LSAMP: variants seen among roughly 807,000 people sequenced by gnomAD.
LSAMP encodes limbic system associated membrane protein.
In LSAMP, 7 loss-of-function variants were observed where a neutral mutation model predicts 38.6. The ratio of observed to expected loss-of-function variants is 0.18; its 90% CI spans 0.10 to 0.34. The LOEUF (loss-of-function observed/expected upper bound fraction) is 0.34, where lower values mean the gene tolerates loss of function less well. Among genes scored for constraint, LSAMP ranks in the 10% least tolerant of loss-of-function variants. The pLI is 1.00. For synonymous variants in LSAMP, 154 were observed against 166.8 expected (o/e 0.92, Z 0.59); for missense variants, 313 against 420.0 (o/e 0.75, Z 2.23).
At chr3:115,870,484 T>C (rs1936001966) in intron 3 of LSAMP, among the ~76,000 whole-genome samples, 1 of 152,164 alleles carries the variant, frequency 6.6e-6, no homozygotes, top group African/African-American at 2.4e-5. Flanking sequence ...TTTCTAGGGC[T>C]GTGGCTCCCA....
At chr3:116,109,995 A>G (rs1708564138) in intron 1 of LSAMP, among the ~76,000 whole-genome samples, 1 of 148,126 alleles carries the variant, frequency 6.8e-6, no homozygotes, top group Non-Finnish European at 1.5e-5. Context: ...GCACAGAGAT[A>G]AGAGGTAGGG....
At position 115,842,000 on chromosome 3, in the gene LSAMP, G is replaced by A. The variant is rs758751204; in HGVS notation, c.771-7C>T. 2 of 1,604,926 alleles carry A rather than the reference G, an allele frequency of 1.2e-6. No homozygotes were observed. The highest frequency in any genetic ancestry group is 8.5e-7 in the Non-Finnish European group (1 of 1,177,406). ...GCCATTGGCACTATTTATCCTAAGA[G>A]TTCAAAAACAGAAGAATAGAAAGGA... On this transcript the variant is annotated splice_region_variant and splice_polypyrimidine_tract_variant and intron_variant, in intron 5 of 6. Transcript: ENST00000490035.
intron 6 of LSAMP, among the ~76,000 whole-genome samples, chr3:115,811,055 A>G (rs1933812353): frequency 6.6e-6 from 1 of 152,214 alleles, no homozygotes; most frequent in African/African-American, 2.4e-5. Context: ...TGTCACTTTA[A>G]AAATCAAAAA....
intron 2 of LSAMP, among the ~76,000 whole-genome samples, chr3:116,022,387 T>C (rs1176467380): frequency 6.6e-6 from 1 of 152,188 alleles, no homozygotes; most frequent in Non-Finnish European, 1.5e-5. Flanking sequence ...CACATCGTCA[T>C]TTCCCATCCA....
At chr3:116,033,408 AT>A (rs775815004) in intron 2 of LSAMP, among the ~76,000 whole-genome samples, 4 of 152,102 alleles carry the variant, frequency 2.6e-5, no homozygotes, top group Non-Finnish European at 5.9e-5. Flanking sequence ...TGGGCATGTT[AT>A]GGAGAAAATG....
At chr3:116,136,772 G>A (rs1920375) in intron 1 of LSAMP, among the ~76,000 whole-genome samples, 37,921 of 151,786 alleles carry the variant, frequency 0.25, 4,758 homozygotes, top group Admixed American at 0.27. Flanking sequence ...GAAGATCAGA[G>A]TATAATATAT....
chr3:116,180,600 G>A (rs1396687475), intron 1 of LSAMP, among the ~76,000 whole-genome samples: 2 of 152,092 alleles, frequency 1.3e-5, no homozygotes, highest in African/African-American at 2.4e-5. Context: ...GGTTGAGGAA[G>A]TAGAGGAATA....
At chr3:115,948,045 C>T (rs181017003) in intron 3 of LSAMP, among the ~76,000 whole-genome samples, 32 of 152,324 alleles carry the variant, frequency 2.1e-4, no homozygotes, top group Admixed American at 1.8e-3. Context: ...ATTACCCTAG[C>T]ATGAGAGTGT....
chr3:116,220,259 A>T (rs1197189773), intron 1 of LSAMP, among the ~76,000 whole-genome samples: 1 of 150,058 alleles, frequency 6.7e-6, no homozygotes, highest in Non-Finnish European at 1.5e-5. Context: ...TTATAAAAAA[A>T]CAGAAGATAA....
intron 1 of LSAMP, among the ~76,000 whole-genome samples, chr3:116,217,871 C>A (rs2046239517): frequency 1.3e-5 from 2 of 152,092 alleles, no homozygotes; most frequent in Non-Finnish European, 2.9e-5. Flanking sequence ...CATGAGAACC[C>A]TTGAGGGGCT....
At chr3:116,430,568 A>C (rs1000587088) in intron 1 of LSAMP, among the ~76,000 whole-genome samples, 2 of 152,154 alleles carry the variant, frequency 1.3e-5, no homozygotes, top group African/African-American at 4.8e-5. Context: ...GGCAGAAGAG[A>C]AACTTGACAT....
At chr3:116,117,865 G>C (rs1375623675) in intron 1 of LSAMP, among the ~76,000 whole-genome samples, 1 of 152,080 alleles carries the variant, frequency 6.6e-6, no homozygotes, top group Non-Finnish European at 1.5e-5. Context: ...ACCTGCCTGA[G>C]GTAGTGTTTG....
At chr3:116,127,305 C>A (rs72959790) in intron 1 of LSAMP, among the ~76,000 whole-genome samples, 10,488 of 152,192 alleles carry the variant, frequency 0.069, 1,196 homozygotes, top group African/African-American at 0.24. Flanking sequence ...TTGACAATAA[C>A]ATCCAAGTGA....
At chr3:116,223,867 A>T (rs2046315380) in intron 1 of LSAMP, among the ~76,000 whole-genome samples, 1 of 152,118 alleles carries the variant, frequency 6.6e-6, no homozygotes, top group Non-Finnish European at 1.5e-5. Context: ...CTATATAGAG[A>T]AGATTGTATA....
At chr3:116,050,005 A>G (rs1451499822) in intron 2 of LSAMP, among the ~76,000 whole-genome samples, 2 of 152,128 alleles carry the variant, frequency 1.3e-5, no homozygotes, top group African/African-American at 4.8e-5. Flanking sequence ...CCATCCCCTG[A>G]TGTCCCCTGC....
intron 1 of LSAMP, among the ~76,000 whole-genome samples, chr3:116,201,149 C>T (rs2045982423): frequency 1.3e-5 from 2 of 152,172 alleles, no homozygotes; most frequent in African/African-American, 2.4e-5. Context: ...CTCCTTCTCC[C>T]CATCCCACCT....
intron 3 of LSAMP, among the ~76,000 whole-genome samples, chr3:115,891,145 A>C (rs1316418959): frequency 6.6e-6 from 1 of 151,966 alleles, no homozygotes. Flanking sequence ...AGGCAGATTT[A>C]CTGGATACCT....
intron 6 of LSAMP, among the ~76,000 whole-genome samples, chr3:115,830,717 T>C (rs1459101707): frequency 6.6e-6 from 1 of 152,218 alleles, no homozygotes; most frequent in Non-Finnish European, 1.5e-5. Flanking sequence ...GATGGTATTC[T>C]ACAGAAAATA....
At chr3:115,873,096 A>C (rs919009338) in intron 3 of LSAMP, among the ~76,000 whole-genome samples, 1 of 152,124 alleles carries the variant, frequency 6.6e-6, no homozygotes, top group Non-Finnish European at 1.5e-5. Flanking sequence ...CAGGCTGGGC[A>C]CAGTGGCTCA....
Sources: gnomAD v4.1 joint callset for allele counts (sites outside exome capture counted in the v4.1 genomes callset) on GRCh38, gnomAD v4.1.1 for gene constraint, MANE v1.5 for transcripts, NCBI Gene and HGNC (gene_info 2026-07-23, HGNC 2026-07-21) for gene names.